ACSL6: variants seen among roughly 807,000 people sequenced by gnomAD.
ACSL6 encodes the protein long-chain-fatty-acid--CoA ligase 6.
Under a neutral mutation model 98.2 loss-of-function variants are expected in ACSL6, and 47 were observed. The ratio of observed to expected loss-of-function variants is 0.48; its 90% CI spans 0.38 to 0.61. The LOEUF (loss-of-function observed/expected upper bound fraction) is 0.61. ACSL6 is among the 20% of genes least tolerant of loss of function. ACSL6 has a pLI of 0.00. For synonymous variants in ACSL6, 362 were observed against 336.9 expected, an observed-to-expected ratio of 1.07 and a Z score of -0.82; for missense variants, 761 against 913.4, an observed-to-expected ratio of 0.83 and a Z score of 2.15.
At chr5:131,962,270 T>C (rs908301105) in intron 18 of ACSL6, among the ~76,000 whole-genome samples, 1 of 152,204 alleles carries the variant, frequency 6.6e-6, no homozygotes, top group Admixed American at 6.5e-5. Flanking sequence ...AATCTTGCTC[T>C]AGTATTTTAT....
chr5:131,966,679 A>C (rs1580636448), intron 16 of ACSL6, 147 bp from the exon 17 acceptor site: 1 of 733,118 alleles, frequency 1.4e-6, no homozygotes. Context: ...AGGACAAGGA[A>C]CAGCCAGCAG....
intron 5 of ACSL6, 94 bp downstream of exon 5, chr5:131,989,313 C>T: frequency 2.4e-6 from 3 of 1,227,508 alleles, no homozygotes; most frequent in Admixed American, 2.0e-5. Context: ...TTTCTTTTGT[C>T]CTGGGCCCTA....
intron 9 of ACSL6, among the ~76,000 whole-genome samples, chr5:131,977,764 CT>C (rs1433603152): frequency 6.6e-6 from 1 of 152,108 alleles, no homozygotes; most frequent in African/African-American, 2.4e-5. Context: ...AATAAAAGGG[CT>C]GAGAGAGACT....
chr5:131,969,978 G>C (rs76259363), intron 15 of ACSL6, 150 bp downstream of exon 15: 1 of 713,476 alleles, frequency 1.4e-6, no homozygotes, highest in African/African-American at 1.8e-5. Flanking sequence ...CCACAACCCA[G>C]ACATAACCAC....
chr5:131,966,661 G>A, intron 16 of ACSL6, 129 bp from the exon 17 acceptor site: 2 of 783,870 alleles, frequency 2.6e-6, no homozygotes, highest in South Asian at 3.0e-5. Flanking sequence ...TGGCAGGGAT[G>A]GAAACAGAGG....
Position 131,973,418 on chromosome 5 carries a change from G to C in ACSL6, c.1069-18C>G. 1 of 1,613,234 alleles carries C rather than the reference G, an allele frequency of 6.2e-7. No individual in the cohort carries two copies. The highest frequency in any genetic ancestry group is 8.5e-7 in the Non-Finnish European group (1 of 1,179,532). On this transcript the variant is annotated intron_variant, in intron 11 of 20. Transcript: ENST00000651883. Reference sequence around the variant, plus strand: ...ACGACAGACTAGAAAGACAGGACAGGAAGGGAGGAGTCCCTTAGGGTGGTC... The same window carrying C: ...ACGACAGACTAGAAAGACAGGACAGCAAGGGAGGAGTCCCTTAGGGTGGTC...
In ACSL6 at chr5:131,989,619, G is replaced by A. The variant is rs545617418; in HGVS notation, c.451-111C>T. The A allele has an allele frequency of 2.7e-4, 196 of 717,698 alleles. 1 individual carries two copies. The highest frequency in any genetic ancestry group is 3.7e-4 in the Non-Finnish European group (177 of 477,254). The allele number at this position is 717,698 out of a possible 1,614,324, so 44.5% of individuals were successfully genotyped here. The stretch of plus-strand genomic sequence containing the variant: ...TTTTTTTTTTTTTTTTTTTTGAGAT[G>A]GAGTCTCGATCTATCACCCAGGCTG... On this transcript the variant is annotated intron_variant, in intron 4 of 20. Transcript: ENST00000651883.
At chr5:131,994,615 A>G (rs958918424) in intron 1 of ACSL6, 3 of 309,710 alleles carry the variant, frequency 9.7e-6, no homozygotes, top group African/African-American at 4.3e-5. Context: ...CCTGTGTGAC[A>G]GCTGTCATAG....
rs758362383 is a variant in ACSL6, at chr5:131,988,897, A to G, written c.560T>C (p.Ile187Thr). Residue 187 changes from isoleucine to threonine, a missense_variant, in exon 6 of 21, where the codon ATT (isoleucine) becomes ACT (threonine). Ile to Thr is a moderately conservative substitution (Grantham distance 89). Transcript: ENST00000651883. ...ATATGTGTAGCAGGCCAGCTCCACA[A>G]TGATCCACTGTGGAGACACATGAGG... ...VFAQNRPEWI[I>T]VELACYTYSM... The G allele has an allele frequency of 7.7e-6, 12 of 1,555,818 alleles. No individual in the cohort carries two copies. The highest frequency in any genetic ancestry group is 1.7e-4 in the Middle Eastern group (1 of 5,932).
intron 10 of ACSL6, 198 bp from the exon 11 acceptor site, chr5:131,975,168 G>A (rs1484250668): frequency 7.1e-7 from 1 of 1,409,018 alleles, no homozygotes; most frequent in African/African-American, 1.4e-5. Flanking sequence ...GAGAGAGGGA[G>A]GGGGAAGGTG....
chr5:131,973,467 G>A, intron 11 of ACSL6, 67 bp from the exon 12 acceptor site: 1 of 1,544,454 alleles, frequency 6.5e-7, no homozygotes, highest in Non-Finnish European at 8.8e-7. Flanking sequence ...GTCCAAAGCT[G>A]TCCAAAGTGC....
intron 9 of ACSL6, among the ~76,000 whole-genome samples, chr5:131,978,614 T>C (rs1231907974): frequency 6.6e-6 from 1 of 152,168 alleles, no homozygotes; most frequent in East Asian, 1.9e-4. Flanking sequence ...CTTGTAATTC[T>C]GAATTAAGAC....
chr5:131,988,344 T>G (rs1754311199), intron 6 of ACSL6, 118 bp from the exon 7 acceptor site: 1 of 1,349,266 alleles, frequency 7.4e-7, no homozygotes, highest in Non-Finnish European at 1.0e-6. Flanking sequence ...CCATAGCTTA[T>G]GTGTAAATAA....
Position 131,977,299 on chromosome 5 carries a change from C to T in ACSL6, c.917-578G>A, listed in dbSNP as rs72793260. Among the ~76,000 whole-genome samples the T allele has an allele frequency of 2.4e-3, 358 of 152,312 alleles. 2 individuals are homozygous for T. Among genetic ancestry groups the T allele is most frequent in the Non-Finnish European group, 3.6e-3 (247 of 68,032 alleles). ...GTTTTGATATGACCTTTCACTACTGCTCGTGAGGCCTAGTTCTCTGGGCCC... is the reference window on the plus strand; with the variant it reads ...GTTTTGATATGACCTTTCACTACTGTTCGTGAGGCCTAGTTCTCTGGGCCC... On this transcript the variant is annotated intron_variant, in intron 9 of 20. Coordinates refer to ENST00000651883, the MANE Select transcript of ACSL6 (RefSeq NM_001009185.3).
At position 131,973,538 on chromosome 5, in the gene ACSL6, C is replaced by T. The variant is rs1022450212; in HGVS notation, c.1069-138G>A. 1.8e-5 allele frequency: 15 copies of T among 835,114 alleles called. No homozygotes were observed. In the African/African-American group the frequency reaches 2.2e-4, roughly 12 times the overall value. 51.7% of individuals were successfully genotyped at this position (835,114 alleles called of 1,614,324 possible). Reference sequence around the variant, plus strand: ...CAGCTCTGGCTGCTGCCATGAGACACTGATGAATGCCATCTGAGGTGACCC... The same window carrying T: ...CAGCTCTGGCTGCTGCCATGAGACATTGATGAATGCCATCTGAGGTGACCC... On this transcript the variant is annotated intron_variant, in intron 11 of 20. Transcript: ENST00000651883.
intron 15 of ACSL6, among the ~76,000 whole-genome samples, chr5:131,969,331 C>T (rs1156578820): frequency 6.6e-6 from 1 of 152,212 alleles, no homozygotes; most frequent in Non-Finnish European, 1.5e-5. Flanking sequence ...AGTATAGAAG[C>T]ATTTTTTCCT....
At chr5:131,990,815 C>A in intron 3 of ACSL6, 38 bp downstream of exon 3, 2 of 1,538,638 alleles carry the variant, frequency 1.3e-6, no homozygotes, top group Non-Finnish European at 1.7e-6. Flanking sequence ...ACCCCTGCCA[C>A]ACAGCCCCTC....
rs1047982586 is a variant in ACSL6 at position 131,996,921 on chromosome 5, T to C, written c.50-2670A>G. Among the ~76,000 whole-genome samples, 3 of 152,280 alleles carry C rather than the reference T, an allele frequency of 2.0e-5. No individual in the cohort carries two copies. In the East Asian group the frequency reaches 5.8e-4, roughly 29 times the overall value. On this transcript the variant is annotated intron_variant, in intron 1 of 20. Transcript: ENST00000651883. Reference sequence around the variant, plus strand: ...GGCAGGCTTCTGGCAGGAAGTGATATTGATCCTGAGAATGAAAGATAAAGA... The same window carrying C: ...GGCAGGCTTCTGGCAGGAAGTGATACTGATCCTGAGAATGAAAGATAAAGA...
intron 1 of ACSL6, among the ~76,000 whole-genome samples, chr5:131,995,896 G>A (rs1015463356): frequency 6.6e-6 from 1 of 152,216 alleles, no homozygotes; most frequent in Non-Finnish European, 1.5e-5. Flanking sequence ...ATATTCAGAG[G>A]ACTAAAGAGA....
Sources: gnomAD v4.1 joint callset for allele counts (sites outside exome capture counted in the v4.1 genomes callset) on GRCh38, gnomAD v4.1.1 for gene constraint, MANE v1.5 for transcripts, NCBI Gene and HGNC (gene_info 2026-07-23, HGNC 2026-07-21) for gene names.